Variants in CYP4F2 observed in about 807,000 individuals in gnomAD.
CYP4F2 encodes the protein cytochrome P450 family 4 subfamily F member 2, also known as cytochrome P450 4F2.
A neutral mutation model predicts 58.9 loss-of-function variants in CYP4F2; 58 were observed. The observed-to-expected ratio is 0.98, with a 90% CI of 0.80 to 1.23. The LOEUF (loss-of-function observed/expected upper bound fraction) is 1.23, where lower values mean the gene tolerates loss of function less well. CYP4F2 is among the 50% of genes most tolerant of loss of function. CYP4F2 has a pLI of 0.00. For synonymous variants in CYP4F2, 287 were observed against 261.1 expected, an observed-to-expected ratio of 1.10 and a Z score of -0.95; for missense variants, 616 against 685.6, an observed-to-expected ratio of 0.90 and a Z score of 1.13.
chr19:15,895,034 A>G (rs2089439806), intron 3 of CYP4F2, among the ~76,000 whole-genome samples: 1 of 152,128 alleles, frequency 6.6e-6, no homozygotes, highest in African/African-American at 2.4e-5. Flanking sequence ...CTTGAATACT[A>G]ACGATGTCCA....
chr19:15,897,471 G>T lies in CYP4F2; in HGVS notation c.141C>A (p.Arg47=), dbSNP rs1026097493. ...TTGGGGGTTGTGGGAAACACCGAAG[G>T]CGGCGGCAGTTGTCATAGAAGGCGT... ...WTYAFYDNCR[R]LRCFPQPPRR... The change falls in exon 2 of 13, where the codon CGC becomes CGA. Residue 47 remains arginine, a synonymous_variant. Transcript: ENST00000221700. The T allele has an allele frequency of 1.2e-6, 2 of 1,613,884 alleles. No individual in the cohort carries two copies. Among genetic ancestry groups the T allele is most frequent in the Non-Finnish European group, 1.7e-6 (2 of 1,179,918 alleles).
intron 3 of CYP4F2, among the ~76,000 whole-genome samples, chr19:15,893,056 T>A (rs2089426497): frequency 6.6e-6 from 1 of 152,080 alleles, no homozygotes. Context: ...ATTCCTAACA[T>A]GAGATGGTGT....
intron 7 of CYP4F2, among the ~76,000 whole-genome samples, chr19:15,888,922 A>G (rs900329169): frequency 1.3e-5 from 2 of 152,250 alleles, no homozygotes; most frequent in African/African-American, 4.8e-5. Flanking sequence ...ACACATAGAC[A>G]TGGATGAAAA....
At chr19:15,891,747 T>C (rs1292849977) in intron 5 of CYP4F2, among the ~76,000 whole-genome samples, 3 of 152,124 alleles carry the variant, frequency 2.0e-5, no homozygotes, top group Non-Finnish European at 2.9e-5. Flanking sequence ...GAGACAATCA[T>C]AGGGAGGAAC....
At chr19:15,889,027 C>T (rs1568472103) in intron 7 of CYP4F2, among the ~76,000 whole-genome samples, 1 of 152,134 alleles carries the variant, frequency 6.6e-6, no homozygotes, top group Non-Finnish European at 1.5e-5. Context: ...AAAAGACATA[C>T]AGATATGGCC....
At position 15,898,041 on chromosome 19, in the gene CYP4F2, G is replaced by A; in HGVS notation, c.-17C>T. On this transcript the variant is annotated 5_prime_UTR_variant, in exon 1 of 13. Transcript: ENST00000221700. ...AGCCTGGCACCTTCTGTCAGGAGCA[G>A]TCTGTCCCAGACAACCTCCTCTCTC... The A allele has an allele frequency of 4.6e-6, 1 of 219,508 alleles. No individual in the cohort carries two copies. Among genetic ancestry groups the A allele is most frequent in the South Asian group, 6.0e-5 (1 of 16,662 alleles). 13.6% of individuals were successfully genotyped at this position (219,508 alleles called of 1,614,324 possible).
Position 15,879,906 on chromosome 19 carries a change from A to G in CYP4F2, c.1116-9T>C. The stretch of plus-strand genomic sequence containing the variant: ...AATGGGCCAGGTCGTCCCTAAGGAA[A>G]CACCCCAGCCCCAATCCTTATCAAG... On this transcript the variant is annotated splice_polypyrimidine_tract_variant and intron_variant, in intron 9 of 12. Coordinates refer to ENST00000221700, the MANE Select transcript of CYP4F2 (RefSeq NM_001082.5). 6.2e-7 allele frequency: 1 copy of G among 1,614,096 alleles called. No homozygotes were observed. Among genetic ancestry groups the G allele is most frequent in the Non-Finnish European group, 8.5e-7 (1 of 1,180,008 alleles).
At chr19:15,881,410 A>G (rs2089343638) in intron 9 of CYP4F2, among the ~76,000 whole-genome samples, 1 of 152,238 alleles carries the variant, frequency 6.6e-6, no homozygotes, top group African/African-American at 2.4e-5. Flanking sequence ...GAAATTAATG[A>G]TTCAGAGATA....
intron 3 of CYP4F2, chr19:15,893,797 AG>A: frequency 4.1e-6 from 1 of 244,912 alleles, no homozygotes; most frequent in Non-Finnish European, 9.1e-6. Flanking sequence ...ACTGCCTGCC[AG>A]GGCCCCACCC....
intron 7 of CYP4F2, 177 bp from the exon 8 acceptor site, chr19:15,886,485 C>T: frequency 2.8e-6 from 2 of 702,230 alleles, no homozygotes; most frequent in South Asian, 4.2e-5. Context: ...GCCCTCACCT[C>T]ATGGCCTTCC....
At chr19:15,885,869 G>A (rs2089374568) in intron 9 of CYP4F2, 55 bp downstream of exon 9, 2 of 1,577,622 alleles carry the variant, frequency 1.3e-6, no homozygotes, top group South Asian at 1.2e-5. Context: ...TCCCCACCTG[G>A]GGAGCAGAGC....
At chr19:15,891,281 G>A (rs2145010693) in intron 5 of CYP4F2, among the ~76,000 whole-genome samples, 1 of 152,222 alleles carries the variant, frequency 6.6e-6, no homozygotes, top group South Asian at 2.1e-4. Flanking sequence ...ACTTATAGAA[G>A]CCCACCTGTG....
chr19:15,889,335 C>A (rs987924278), intron 7 of CYP4F2, 88 bp downstream of exon 7: 5 of 1,606,526 alleles, frequency 3.1e-6, no homozygotes, highest in Non-Finnish European at 4.2e-6. Flanking sequence ...CTCCCTAGTG[C>A]CCTCTTAATC....
At chr19:15,896,069 TATCCATCCATCC>T (rs746020026) in intron 2 of CYP4F2, among the ~76,000 whole-genome samples, 8 of 142,306 alleles carry the variant, frequency 5.6e-5, no homozygotes, top group East Asian at 2.0e-4. Flanking sequence ...TCTATCTATC[TATCCATCCATCC>T]ATCCATCCAT....
intron 9 of CYP4F2, among the ~76,000 whole-genome samples, chr19:15,883,981 C>T (rs1009815738): frequency 6.6e-6 from 1 of 152,104 alleles, no homozygotes; most frequent in East Asian, 1.9e-4. Flanking sequence ...ATAGCTTGAA[C>T]CCGGGAGGCA....
chr19:15,889,330 T>C lies in CYP4F2; in HGVS notation c.918+93A>G, dbSNP rs541907352. 65 of 1,604,226 alleles carry C rather than the reference T, an allele frequency of 4.1e-5. No individual in the cohort carries two copies. The African/African-American group carries it at 4.5e-4, about 11-fold the overall frequency. On this transcript the variant is annotated intron_variant, in intron 7 of 12. Coordinates refer to ENST00000221700, the MANE Select transcript of CYP4F2 (RefSeq NM_001082.5). Reference sequence around the variant, plus strand: ...TCCTCAATCACCTTCCATGGCTCCCTAGTGCCCTCTTAATCAAGTTCAAAT... The same window carrying C: ...TCCTCAATCACCTTCCATGGCTCCCCAGTGCCCTCTTAATCAAGTTCAAAT...
intron 7 of CYP4F2, 90 bp from the exon 8 acceptor site, chr19:15,886,398 C>T: frequency 6.9e-7 from 1 of 1,450,884 alleles, no homozygotes; most frequent in Non-Finnish European, 9.4e-7. Context: ...CTGAGACAGT[C>T]TCTGAAGATT....
At chr19:15,896,787 C>G (rs1025833768) in intron 2 of CYP4F2, among the ~76,000 whole-genome samples, 1 of 152,216 alleles carries the variant, frequency 6.6e-6, no homozygotes. Flanking sequence ...AATGAGCAGA[C>G]TAAGACCACA....
chr19:15,893,826 C>T (rs2089431625), intron 3 of CYP4F2: 1 of 255,300 alleles, frequency 3.9e-6, no homozygotes. Context: ...GCCCATATCC[C>T]CAAAGGTGCA....
Sources: allele counts gnomAD v4.1 joint callset (sites outside exome capture counted in the v4.1 genomes callset), GRCh38; gene constraint gnomAD v4.1.1; transcripts MANE v1.5; gene names NCBI Gene and HGNC (gene_info 2026-07-23, HGNC 2026-07-21).